The following CLTCL1 variants were observed in gnomAD, a reference collection of about 807,000 sequenced individuals.
CLTCL1 encodes the protein clathrin heavy chain like 1.
CLTCL1 carries 159 observed loss-of-function variants against 190.0 expected under a neutral mutation model. That is an observed-to-expected ratio of 0.84 (90% confidence interval 0.74 to 0.95). CLTCL1 has a LOEUF of 0.95. CLTCL1 is among the 40% of genes least tolerant of loss of function. The probability of loss-of-function intolerance (pLI) is 0.00; values close to 1 mark genes in which losing one functional copy is unlikely to be tolerated. For missense variants in CLTCL1, 1,878 were observed against 2,033.4 expected, an observed-to-expected ratio of 0.92 and a Z score of 1.47; for synonymous variants, 752 against 769.6, an observed-to-expected ratio of 0.98 and a Z score of 0.38.
At chr22:19,185,994 T>G (rs953327863) in intron 29 of CLTCL1, among the ~76,000 whole-genome samples, 20 of 152,174 alleles carry the variant, frequency 1.3e-4, no homozygotes, top group Non-Finnish European at 4.4e-5. Context: ...TCACAAGCAC[T>G]GTCACCAAGG....
intron 2 of CLTCL1, among the ~76,000 whole-genome samples, chr22:19,273,996 T>C (rs1456095702): frequency 6.6e-6 from 1 of 151,832 alleles, no homozygotes; most frequent in Non-Finnish European, 1.5e-5. Flanking sequence ...ACTCCCCGAC[T>C]CCACACCACA....
intron 8 of CLTCL1, 29 bp downstream of exon 8, chr22:19,233,393 G>T: frequency 6.2e-7 from 1 of 1,613,210 alleles, no homozygotes. Context: ...AGCTGTGCGG[G>T]GGGGCTACGA....
chr22:19,221,003 AT>A (rs1555951937), intron 17 of CLTCL1, among the ~76,000 whole-genome samples: 1 of 152,110 alleles, frequency 6.6e-6, no homozygotes, highest in African/African-American at 2.4e-5. Context: ...CACCCAGGGA[AT>A]TGCAGGCCTC....
At chr22:19,256,998 A>G (rs567653053) in intron 2 of CLTCL1, among the ~76,000 whole-genome samples, 1 of 152,358 alleles carries the variant, frequency 6.6e-6, no homozygotes, top group South Asian at 2.1e-4. Context: ...GAAACAGAAG[A>G]AAGTCTAGAA....
intron 1 of CLTCL1, among the ~76,000 whole-genome samples, chr22:19,276,956 G>A (rs1247359628): frequency 3.9e-5 from 6 of 152,170 alleles, no homozygotes; most frequent in Non-Finnish European, 8.8e-5. Flanking sequence ...ACAGGCGTGA[G>A]CCACCGCGTC....
At chr22:19,264,864 T>C (rs2793058) in intron 2 of CLTCL1, among the ~76,000 whole-genome samples, 10,442 of 152,072 alleles carry the variant, frequency 0.069, 414 homozygotes, top group Middle Eastern at 0.16. Context: ...TCTAGGTTCA[T>C]TGCAACCTCC....
chr22:19,189,255 TC>T (rs1416809807), intron 27 of CLTCL1, among the ~76,000 whole-genome samples: 1 of 152,202 alleles, frequency 6.6e-6, no homozygotes, highest in Non-Finnish European at 1.5e-5. Flanking sequence ...GACTGACTCT[TC>T]CCTTTATGTA....
At chr22:19,269,755 G>T (rs1601702703) in intron 2 of CLTCL1, among the ~76,000 whole-genome samples, 2 of 152,056 alleles carry the variant, frequency 1.3e-5, no homozygotes, top group East Asian at 3.9e-4. Context: ...CACAGCGAGG[G>T]GAACAACACA....
intron 2 of CLTCL1, among the ~76,000 whole-genome samples, chr22:19,256,542 G>C (rs2086765179): frequency 6.6e-6 from 1 of 151,708 alleles, no homozygotes; most frequent in Non-Finnish European, 1.5e-5. Flanking sequence ...TTTTTTTGTA[G>C]AGATGGGGTT....
intron 21 of CLTCL1, 67 bp from the exon 22 acceptor site, chr22:19,208,378 C>T (rs2085116130): frequency 6.4e-7 from 1 of 1,562,208 alleles, no homozygotes; most frequent in Non-Finnish European, 8.7e-7. Context: ...TCAATTCCTC[C>T]CATTCTGTTC....
At chr22:19,213,202 T>C (rs1316864454) in intron 19 of CLTCL1, among the ~76,000 whole-genome samples, 1 of 152,220 alleles carries the variant, frequency 6.6e-6, no homozygotes. Flanking sequence ...CTACGGATGG[T>C]AACTGAGCAC....
intron 21 of CLTCL1, 125 bp downstream of exon 21, chr22:19,208,797 A>C (rs2085129095): frequency 1.3e-6 from 1 of 768,592 alleles, no homozygotes; most frequent in Non-Finnish European, 2.1e-6. Context: ...TTTCATGTAG[A>C]TGTGCCCTCT....
chr22:19,285,258 G>A (rs562413212), intron 1 of CLTCL1, among the ~76,000 whole-genome samples: 5 of 151,888 alleles, frequency 3.3e-5, no homozygotes, highest in African/African-American at 1.2e-4. Context: ...CTGGGCAACA[G>A]AACAAGACTC....
At chr22:19,233,142 T>C in intron 9 of CLTCL1, 24 bp downstream of exon 9, 1 of 1,598,058 alleles carries the variant, frequency 6.3e-7, no homozygotes, top group Non-Finnish European at 8.6e-7. Context: ...ATCTGTGAGA[T>C]GCCAGTGGTT....
At chr22:19,272,658 A>G (rs1431555826) in intron 2 of CLTCL1, among the ~76,000 whole-genome samples, 1 of 152,030 alleles carries the variant, frequency 6.6e-6, no homozygotes, top group African/African-American at 2.4e-5. Flanking sequence ...TTTAGTAGAG[A>G]GGAGGTTACT....
intron 19 of CLTCL1, 105 bp downstream of exon 19, chr22:19,216,006 G>T: frequency 1.8e-6 from 2 of 1,103,650 alleles, no homozygotes; most frequent in Non-Finnish European, 2.6e-6. Flanking sequence ...GCAGCCAATG[G>T]GCAGGCTGGA....
chr22:19,216,039 TAA>T, intron 19 of CLTCL1, 70 bp downstream of exon 19: 1 of 1,469,646 alleles, frequency 6.8e-7, no homozygotes, highest in Non-Finnish European at 9.3e-7. Context: ...TACGAGATTG[TAA>T]CAGAAGATGA....
At chr22:19,188,504 A>G (rs1392001580) in intron 27 of CLTCL1, among the ~76,000 whole-genome samples, 3 of 152,190 alleles carry the variant, frequency 2.0e-5, no homozygotes, top group African/African-American at 7.2e-5. Flanking sequence ...CTGAGCCTTC[A>G]GTGACTCGTA....
intron 26 of CLTCL1, 119 bp downstream of exon 26, chr22:19,196,147 C>T (rs559911181): frequency 8.5e-5 from 85 of 1,001,672 alleles, no homozygotes; most frequent in African/African-American, 2.9e-4. Flanking sequence ...TACAAGTGAA[C>T]GCACACACAG....
Sources: allele counts gnomAD v4.1 joint callset (sites outside exome capture counted in the v4.1 genomes callset), GRCh38; gene constraint gnomAD v4.1.1; transcripts MANE v1.5; gene names NCBI Gene and HGNC (gene_info 2026-07-23, HGNC 2026-07-21).